REG3A: variants seen among roughly 807,000 people sequenced by gnomAD.
REG3A encodes the protein regenerating family member 3 alpha, also known as regenerating islet-derived protein 3-alpha.
A neutral mutation model predicts 20.5 loss-of-function variants in REG3A; 15 were observed. The observed-to-expected ratio is 0.73, with a 90% CI of 0.49 to 1.12. The LOEUF (loss-of-function observed/expected upper bound fraction) is 1.12, where lower values mean the gene tolerates loss of function less well. REG3A is among the 50% of genes most tolerant of loss of function. The pLI is 0.00. For missense variants in REG3A, 224 were observed against 213.1 expected (o/e 1.05, Z -0.32); for synonymous variants, 93 against 83.2 (o/e 1.12, Z -0.64).
chr2:79,157,760 C>T lies in REG3A; in HGVS notation c.334-62G>A, dbSNP rs183588096. ...GCCATTGCAGCTCTTCTTGCATGGC[C>T]CCTTAGCTGCAACACCTGATTTGCT... is the stretch of plus-strand genomic sequence containing the variant. On this transcript the variant is annotated intron_variant, in intron 4 of 5. Transcript: ENST00000305165. The T allele has an allele frequency of 4.1e-5, 64 of 1,563,620 alleles. No homozygotes were observed. In the Admixed American group the frequency reaches 1.1e-3, roughly 27 times the overall value.
intron 4 of REG3A, 79 bp from the exon 5 acceptor site, chr2:79,157,777 T>C (rs1272903138): frequency 2.6e-6 from 4 of 1,534,804 alleles, no homozygotes; most frequent in African/African-American, 1.4e-5. Flanking sequence ...CTGCAACACC[T>C]GATTTGCTCC....
intron 5 of REG3A, 93 bp from the exon 6 acceptor site, chr2:79,157,386 C>G: frequency 6.8e-7 from 1 of 1,462,102 alleles, no homozygotes; most frequent in Admixed American, 1.7e-5. Context: ...AAGTTAAAGC[C>G]TCTCCCTCAC....
rs779422711 is a variant in REG3A, at chr2:79,157,709, G to C, written c.334-11C>G. The C allele has an allele frequency of 2.2e-5, 35 of 1,612,608 alleles. No individual in the cohort carries two copies. The highest frequency in any genetic ancestry group is 3.0e-5 in the Non-Finnish European group (35 of 1,179,162). On this transcript the variant is annotated splice_polypyrimidine_tract_variant and intron_variant, in intron 4 of 5. Transcript: ENST00000305165. ...ATTGGGCTCGGTGCCCTGTAGAGTA[G>C]AGGAGGTAGCCAGGTGAAGGGAATG...
At chr2:79,158,254 A>T in intron 4 of REG3A, 72 bp downstream of exon 4, 1 of 1,537,318 alleles carries the variant, frequency 6.5e-7, no homozygotes, top group South Asian at 1.2e-5. Flanking sequence ...GGGCAGGCAC[A>T]GGGGACAGGG....
chr2:79,159,081 A>G (rs1673387239), intron 2 of REG3A: 2 of 583,078 alleles, frequency 3.4e-6, no homozygotes, highest in Non-Finnish European at 6.1e-6. Context: ...TGTATATTAG[A>G]GTCCACTTTC....
intron 2 of REG3A, 98 bp downstream of exon 2, chr2:79,159,232 A>G: frequency 7.7e-7 from 1 of 1,300,480 alleles, no homozygotes; most frequent in Non-Finnish European, 1.1e-6. Context: ...TTCATTAGAC[A>G]CCACGTCATT....
rs1400563886 is a variant in REG3A at position 79,158,477 on chromosome 2, A to G, written c.196-14T>C. On this transcript the variant is annotated splice_polypyrimidine_tract_variant and intron_variant, in intron 3 of 5. Coordinates refer to ENST00000305165, the MANE Select transcript of REG3A (RefSeq NM_002580.3). The stretch of plus-strand genomic sequence containing the variant: ...CTGGCAGGCCAGCTTTGAGGGCAAC[A>G]AAGAGAATGAGAGGGAGCCTGAGAC... The G allele has an allele frequency of 1.2e-6, 2 of 1,613,880 alleles. No homozygotes were observed. The highest frequency in any genetic ancestry group is 3.3e-5 in the Admixed American group (2 of 60,018).
rs1281255281 is a variant in REG3A, at chr2:79,158,633, C to G, written c.195+18G>C. On this transcript the variant is annotated intron_variant, in intron 3 of 5. Transcript: ENST00000305165. ...CCCCTGAGACCGGTCACCTCCAACA[C>G]CACATCTAACCACTCACATCTGCAT... 2 of 1,613,388 alleles carry G rather than the reference C, an allele frequency of 1.2e-6. No homozygotes were observed. The highest frequency in any genetic ancestry group is 1.7e-6 in the Non-Finnish European group (2 of 1,179,292).
intron 4 of REG3A, among the ~76,000 whole-genome samples, chr2:79,158,026 G>T (rs1342844194): frequency 1.3e-5 from 2 of 152,182 alleles, no homozygotes; most frequent in South Asian, 4.1e-4. Flanking sequence ...TTCATTAAGA[G>T]TTCCTTCAGA....
Position 79,158,428 on chromosome 2 carries a change from C to T in REG3A, c.231G>A (p.Val77=). The change falls in exon 4 of 6, where the codon GTG becomes GTA. Residue 77 remains valine, a synonymous_variant. Transcript: ENST00000305165. ...ACQKRPSGNL[V]SVLSGAEGSF... is the part of the protein sequence containing the mutation. Reference sequence around the variant, plus strand: ...ATCCCTCAGCCCCACTGAGCACAGACACCAGGTTTCCAGAGGGCCGCTTCT... The same window carrying T: ...ATCCCTCAGCCCCACTGAGCACAGATACCAGGTTTCCAGAGGGCCGCTTCT... 7.4e-6 allele frequency: 12 copies of T among 1,614,184 alleles called. No homozygotes were observed. The highest frequency in any genetic ancestry group is 1.0e-5 in the Non-Finnish European group (12 of 1,180,022).
At chr2:79,157,330 G>A in intron 5 of REG3A, 37 bp from the exon 6 acceptor site, 1 of 1,596,220 alleles carries the variant, frequency 6.3e-7, no homozygotes, top group Non-Finnish European at 8.6e-7. Context: ...ATGGGGCTGA[G>A]GAAGCTTGTG....
At chr2:79,158,863 G>A (rs1003215097) in intron 2 of REG3A, 94 bp from the exon 3 acceptor site, 22 of 920,828 alleles carry the variant, frequency 2.4e-5, no homozygotes, top group Non-Finnish European at 3.5e-5. Flanking sequence ...CCTTGGGGAG[G>A]AAGACCACAT....
chr2:79,157,847 C>T (rs1673350770), intron 4 of REG3A, 149 bp from the exon 5 acceptor site: 2 of 962,904 alleles, frequency 2.1e-6, no homozygotes, highest in Non-Finnish European at 3.0e-6. Flanking sequence ...GAAACTCTTC[C>T]TTGACTCCTC....
intron 5 of REG3A, 72 bp downstream of exon 5, chr2:79,157,500 C>T: frequency 6.3e-7 from 1 of 1,583,340 alleles, no homozygotes; most frequent in Non-Finnish European, 8.6e-7. Flanking sequence ...AGGAAGATTT[C>T]CTGAAGGTCA....
Position 79,157,621 on chromosome 2 carries a change from G to C in REG3A, c.411C>G (p.Pro137=). ...AGTGGCCGGGGCTTGAGATGGTGGA[G>C]GGATTTCTCTCCCATGCAAAGTAAT... is the stretch of plus-strand genomic sequence containing the variant. ...VMNYFAWERN[P]STISSPGHCA... is the part of the protein sequence containing the mutation. The change falls in exon 5 of 6, where the codon CCC becomes CCG. Residue 137 remains proline (P), a synonymous_variant. Transcript: ENST00000305165. 1 of 1,614,178 alleles carries C rather than the reference G, an allele frequency of 6.2e-7. No homozygotes were observed. The highest frequency in any genetic ancestry group is 8.5e-7 in the Non-Finnish European group (1 of 1,180,024).
chr2:79,158,205 C>A, intron 4 of REG3A, 121 bp downstream of exon 4: 1 of 1,191,914 alleles, frequency 8.4e-7, no homozygotes, highest in Non-Finnish European at 1.2e-6. Context: ...CCAAATATTC[C>A]CCAGAATCTG....
Position 79,157,077 on chromosome 2 carries a change from C to G in REG3A, c.*149G>C, listed in dbSNP as rs145399597. On this transcript the variant is annotated 3_prime_UTR_variant, in exon 6 of 6. Transcript: ENST00000305165. ...CAAAATGAAGAGACTGAAATGACAG[C>G]GGGGAGGAAGAAACAGAAGAAAGAT... 2.0e-5 allele frequency: 13 copies of G among 665,488 alleles called. No homozygotes were observed. The highest frequency in any genetic ancestry group is 3.5e-5 in the Non-Finnish European group (13 of 376,552). 41.2% of individuals were successfully genotyped at this position (665,488 alleles called of 1,614,324 possible).
intron 1 of REG3A, 23 bp from the exon 2 acceptor site, chr2:79,159,462 G>C (rs1232329775): frequency 1.9e-6 from 3 of 1,555,726 alleles, no homozygotes; most frequent in East Asian, 2.2e-5. Context: ...TGGTCAGTGG[G>C]AGAACACACA....
chr2:79,158,867 A>T (rs1205676020), intron 2 of REG3A, 98 bp from the exon 3 acceptor site: 1 of 880,218 alleles, frequency 1.1e-6, no homozygotes, highest in Non-Finnish European at 1.8e-6. Flanking sequence ...GGGGAGGAAG[A>T]CCACATTCCT....
Sources: allele counts gnomAD v4.1 joint callset (sites outside exome capture counted in the v4.1 genomes callset), GRCh38; gene constraint gnomAD v4.1.1; transcripts MANE v1.5; gene names NCBI Gene and HGNC (gene_info 2026-07-23, HGNC 2026-07-21).